BRIP1: variants seen among roughly 807,000 people sequenced by gnomAD.
The protein encoded by BRIP1 is Fanconi anemia group J protein.
In BRIP1, 88 loss-of-function variants were observed where a neutral mutation model predicts 119.7. The observed-to-expected ratio is 0.74, with a 90% CI of 0.62 to 0.88. The LOEUF is 0.88. BRIP1 is among the 40% of genes least tolerant of loss of function. The pLI, the probability that BRIP1 is intolerant of heterozygous loss-of-function variation, is 0.00. For synonymous variants in BRIP1, 443 were observed against 496.5 expected, an observed-to-expected ratio of 0.89 and a Z score of 1.43; for missense variants, 1,259 against 1,455.4, an observed-to-expected ratio of 0.87 and a Z score of 2.20.
At chr17:61,721,558 T>C (rs933771551) in intron 16 of BRIP1, among the ~76,000 whole-genome samples, 16 of 151,778 alleles carry the variant, frequency 1.1e-4, no homozygotes, top group Non-Finnish European at 5.9e-5. Context: ...CGTGAGCCAC[T>C]GTGCCTGGCC....
rs753544193 is a variant in BRIP1 at position 61,780,451 on chromosome 17, G to A, written c.1795-50C>T. On this transcript the variant is annotated intron_variant, in intron 12 of 19. Transcript: ENST00000259008. The surrounding 1 kb of genome is among the most constrained non-coding windows in gnomAD (Gnocchi z 5.4). ...ATAAAATTATCTTTAGAAGAGGCTG[G>A]GCAAAGTGGCTCACACCTGTAATCC... The A allele has an allele frequency of 3.3e-6, 5 of 1,501,888 alleles. No individual in the cohort carries two copies. The highest frequency in any genetic ancestry group is 3.7e-6 in the Non-Finnish European group (4 of 1,081,170). The allele number at this position is 1,501,888 out of a possible 1,614,324, so 93.0% of individuals were successfully genotyped here.
In BRIP1 at chr17:61,739,031, G is replaced by A. The variant is rs760099030; in HGVS notation, c.2379+3982C>T. On this transcript the variant is annotated intron_variant, in intron 16 of 19. Transcript: ENST00000259008. The surrounding 1 kb of genome is among the most constrained non-coding windows in gnomAD (Gnocchi z 6.0). The stretch of plus-strand genomic sequence containing the variant: ...TCATATGTAGGGTCCAAGGAAGAGA[G>A]AGGACATAGGCAAAAATGGAAATAA... 77 of 164,574 alleles carry A rather than the reference G, an allele frequency of 4.7e-4. No homozygotes were observed. Among genetic ancestry groups the A allele is most frequent in the Middle Eastern group, 5.4e-3 (2 of 370 alleles). 10.2% of individuals were successfully genotyped at this position (164,574 alleles called of 1,614,324 possible). A position where few individuals can be genotyped will look rare whatever the true frequency, so the allele number is the denominator to read the frequency against.
Position 61,804,009 on chromosome 17 carries a change from A to G in BRIP1, c.919-2535T>C, listed in dbSNP as rs1237057443. Among the ~76,000 whole-genome samples the G allele has an allele frequency of 6.6e-6, 1 of 152,206 alleles. No homozygotes were observed. The highest frequency in any genetic ancestry group is 6.5e-5 in the Admixed American group (1 of 15,280). ...ATGTTAAGTGAGAAAAACATGTTGA[A>G]TAACGTGTATAGAATGATTAAATTC... On this transcript the variant is annotated intron_variant, in intron 7 of 19. Transcript: ENST00000259008. The surrounding 1 kb of genome is among the most constrained non-coding windows in gnomAD (Gnocchi z 4.5).
intron 18 of BRIP1, among the ~76,000 whole-genome samples, chr17:61,688,171 A>G (rs1603277789): frequency 6.6e-6 from 1 of 152,244 alleles, no homozygotes; most frequent in East Asian, 1.9e-4. Context: ...GTATGCCTGG[A>G]ATCTACTAAG....
intron 10 of BRIP1, among the ~76,000 whole-genome samples, chr17:61,786,919 A>G (rs1464080765): frequency 5.0e-5 from 2 of 39,878 alleles, no homozygotes; most frequent in Non-Finnish European, 8.3e-5. Context: ...AAATATAAAA[A>G]TATATATTTA....
Position 61,808,466 on chromosome 17 carries a change from C to T in BRIP1, c.918+1G>A, listed in dbSNP as rs587781655. On this transcript the variant is annotated splice_donor_variant, in intron 7 of 19. Transcript: ENST00000259008. LOFTEE classifies it high-confidence loss of function. This position sits in a 1 kb window ranked among gnomAD's most constrained non-coding sequence, Gnocchi z 4.1. The stretch of plus-strand genomic sequence containing the variant: ...CTCTAACACAAAATAACTTTACTCA[C>T]GTTTTTCCCATCTAGCAATTCCATG... 9.3e-6 allele frequency: 15 copies of T among 1,610,958 alleles called. No individual in the cohort carries two copies. The Admixed American group carries it at 2.2e-4, about 23-fold the overall frequency.
chr17:61,811,042 C>T (rs938971674), intron 6 of BRIP1, among the ~76,000 whole-genome samples: 1 of 152,106 alleles, frequency 6.6e-6, no homozygotes, highest in Non-Finnish European at 1.5e-5. Flanking sequence ...ACTAGAGTGA[C>T]TTTAGTTAGG....
In BRIP1 at chr17:61,831,068, A is replaced by G. The variant is rs2078485655; in HGVS notation, c.627+16033T>C. ...CAGTAAAACTTTAAATATAAAATCC[A>G]ACATCCACTCATTATAAAAATGTTC... On this transcript the variant is annotated intron_variant, in intron 6 of 19. Coordinates refer to ENST00000259008, the MANE Select transcript of BRIP1 (RefSeq NM_032043.3). This position sits in a 1 kb window ranked among gnomAD's most constrained non-coding sequence, Gnocchi z 4.1. 1.3e-5 allele frequency among the ~76,000 whole-genome samples: 2 copies of G among 152,252 alleles called. No homozygotes were observed. The highest frequency in any genetic ancestry group is 2.4e-5 in the African/African-American group (1 of 41,472).
chr17:61,774,274 T>C lies in BRIP1; in HGVS notation c.2097+2127A>G, dbSNP rs1022130982. ...GCAGCCATAAAAAAGGATGAGTTCATGTCCTTTGCAGGGACATGGATGAAG... is the reference window on the plus strand; with the variant it reads ...GCAGCCATAAAAAAGGATGAGTTCACGTCCTTTGCAGGGACATGGATGAAG... On this transcript the variant is annotated intron_variant, in intron 14 of 19. Transcript: ENST00000259008. This position sits in a 1 kb window ranked among gnomAD's most constrained non-coding sequence, Gnocchi z 5.8. 2.0e-5 allele frequency among the ~76,000 whole-genome samples: 3 copies of C among 152,188 alleles called. No individual in the cohort carries two copies. The highest frequency in any genetic ancestry group is 4.4e-5 in the Non-Finnish European group (3 of 68,028).
chr17:61,821,495 C>CT lies in BRIP1; in HGVS notation c.628-12739dup, dbSNP rs566324414. ...TATTCTCCTGCCTCAATTTCATTCT[C>CT]TTTTTTTTTCTTGTATTTTTTACCT... is the stretch of plus-strand genomic sequence containing the variant. On this transcript the variant is annotated intron_variant, in intron 6 of 19. Transcript: ENST00000259008. Among the ~76,000 whole-genome samples the CT allele has an allele frequency of 2.0e-3, 288 of 147,202 alleles. 1 individual carries two copies. The Middle Eastern group carries it at 0.021, about 11-fold the overall frequency.
At chr17:61,779,394 T>C (rs546198762) in intron 13 of BRIP1, among the ~76,000 whole-genome samples, 1 of 152,094 alleles carries the variant, frequency 6.6e-6, no homozygotes, top group Admixed American at 6.5e-5. Context: ...CTGGGCAACA[T>C]AGCAAGCGAC....
In BRIP1 at chr17:61,856,996, T is replaced by C. The variant is rs2078904223; in HGVS notation, c.379+62A>G. 1.3e-6 allele frequency: 2 copies of C among 1,486,970 alleles called. No individual in the cohort carries two copies. The highest frequency in any genetic ancestry group is 9.4e-7 in the Non-Finnish European group (1 of 1,064,810). The allele number at this position is 1,486,970 out of a possible 1,614,324, so 92.1% of individuals were successfully genotyped here. On this transcript the variant is annotated intron_variant, in intron 4 of 19. Transcript: ENST00000259008. This position sits in a 1 kb window ranked among gnomAD's most constrained non-coding sequence, Gnocchi z 5.1. ...CCAAACTTATATAAATTAGGGCTTA[T>C]AACAGTAATAATTAAGACTCTTATT...
At chr17:61,849,358 T>C in intron 4 of BRIP1, 102 bp from the exon 5 acceptor site, 1 of 964,888 alleles carries the variant, frequency 1.0e-6, no homozygotes, top group Admixed American at 2.4e-5. Context: ...TTCTAGAAAT[T>C]TCATACCATA....
In BRIP1 at chr17:61,709,065, T is replaced by C. The variant is rs925881525; in HGVS notation, c.2492+6886A>G. On this transcript the variant is annotated intron_variant, in intron 17 of 19. Transcript: ENST00000259008. The surrounding 1 kb of genome is among the most constrained non-coding windows in gnomAD (Gnocchi z 5.0). The stretch of plus-strand genomic sequence containing the variant: ...AAACCTGGGTGAGGGAGGAGGCTAA[T>C]TGTTTCTTATACTAATTTGCAACCA... 6.6e-6 allele frequency among the ~76,000 whole-genome samples: 1 copy of C among 152,234 alleles called. No homozygotes were observed. The highest frequency in any genetic ancestry group is 1.5e-5 in the Non-Finnish European group (1 of 68,038).
At position 61,794,718 on chromosome 17, in the gene BRIP1, A is replaced by C. The variant is rs1435452053; in HGVS notation, c.1341-989T>G. Among the ~76,000 whole-genome samples, 1 of 152,036 alleles carries C rather than the reference A, an allele frequency of 6.6e-6. No homozygotes were observed. Among genetic ancestry groups the C allele is most frequent in the Non-Finnish European group, 1.5e-5 (1 of 67,974 alleles). On this transcript the variant is annotated intron_variant, in intron 9 of 19. Transcript: ENST00000259008. The surrounding 1 kb of genome is among the most constrained non-coding windows in gnomAD (Gnocchi z 4.3). ...AAAAAGTTCTAATAAAATGAAAAAA[A>C]AATCAGGTAATTATATACAAATAAA...
chr17:61,737,831 AGTT>A (rs1337897568), intron 16 of BRIP1, among the ~76,000 whole-genome samples: 1 of 152,194 alleles, frequency 6.6e-6, no homozygotes, highest in Non-Finnish European at 1.5e-5. Context: ...AAAATGCGAT[AGTT>A]GAGGACTTCT....
At position 61,705,278 on chromosome 17, in the gene BRIP1, T is replaced by A. The variant is rs2061675885; in HGVS notation, c.2492+10673A>T. Among the ~76,000 whole-genome samples the A allele has an allele frequency of 6.6e-6, 1 of 152,226 alleles. No individual in the cohort carries two copies. Among genetic ancestry groups the A allele is most frequent in the Non-Finnish European group, 1.5e-5 (1 of 68,050 alleles). On this transcript the variant is annotated intron_variant, in intron 17 of 19. Coordinates refer to ENST00000259008, the MANE Select transcript of BRIP1 (RefSeq NM_032043.3). The surrounding 1 kb of genome is among the most constrained non-coding windows in gnomAD (Gnocchi z 5.0). ...GCGGCAAGGACATGATTTCATTCTTTTTTAATGGCTGTGCAGTATTCCACG... is the reference window on the plus strand; with the variant it reads ...GCGGCAAGGACATGATTTCATTCTTATTTAATGGCTGTGCAGTATTCCACG...
Position 61,825,622 on chromosome 17 carries a change from CAAATAAATAAATAAATAAAT to C in BRIP1, c.628-16885_628-16866del, listed in dbSNP as rs3034667. ...AATGCAATCCCATTCACAATTGCCA[CAAATAAATAAATAAATAAAT>C]AAATAAATAAATAAATAAATAAATA... On this transcript the variant is annotated intron_variant, in intron 6 of 19. Transcript: ENST00000259008. This position sits in a 1 kb window ranked among gnomAD's most constrained non-coding sequence, Gnocchi z 4.1. Among the ~76,000 whole-genome samples, 49 of 143,404 alleles carry C rather than the reference CAAATAAATAAATAAATAAAT, an allele frequency of 3.4e-4. 1 individual carries two copies. Among genetic ancestry groups the C allele is most frequent in the African/African-American group, 8.8e-4 (34 of 38,754 alleles). 94.1% of individuals were successfully genotyped at this position (143,404 alleles called of 152,430 possible). A position where few individuals can be genotyped will look rare whatever the true frequency, so the allele number is the denominator to read the frequency against.
intron 14 of BRIP1, among the ~76,000 whole-genome samples, chr17:61,772,807 A>T (rs531417722): frequency 2.9e-5 from 4 of 139,248 alleles, no homozygotes; most frequent in South Asian, 2.4e-4. Context: ...AACAAGGGTA[A>T]AATTCCATCT....
Sources: gnomAD v4.1 joint callset for allele counts (sites outside exome capture counted in the v4.1 genomes callset) on GRCh38, gnomAD v4.1.1 for gene constraint, Gnocchi (gnomAD v3.1) non-coding constraint, MANE v1.5 for transcripts, NCBI Gene and HGNC (gene_info 2026-07-23, HGNC 2026-07-21) for gene names.